Variants in C7orf78 observed in about 807,000 individuals in gnomAD.
C7orf78 encodes the protein putative uncharacterized protein C7orf78.
the C7orf78 span, among the ~76,000 whole-genome samples, chr7:12,536,850 G>A: frequency 6.6e-6 from 1 of 152,150 alleles, no homozygotes; most frequent in Non-Finnish European, 1.5e-5. Flanking sequence ...CATGACAACA[G>A]TCACCTTTAC....
the C7orf78 span, among the ~76,000 whole-genome samples, chr7:12,508,762 A>T: frequency 2.6e-5 from 4 of 152,290 alleles, no homozygotes; most frequent in East Asian, 7.7e-4. Flanking sequence ...TTACCATCTG[A>T]GCTCTGCTTC....
the C7orf78 span, among the ~76,000 whole-genome samples, chr7:12,493,289 G>C: frequency 6.6e-6 from 1 of 152,212 alleles, no homozygotes; most frequent in African/African-American, 2.4e-5. Flanking sequence ...TATTAAAGTA[G>C]ATTAAAAGTT....
chr7:12,505,654 A>C, the C7orf78 span, among the ~76,000 whole-genome samples: 1 of 152,190 alleles, frequency 6.6e-6, no homozygotes, highest in South Asian at 2.1e-4. Context: ...AACATTTACT[A>C]TTAAATCTTT....
At chr7:12,517,416 GTCTAAATC>G in the C7orf78 span, among the ~76,000 whole-genome samples, 1 of 152,100 alleles carries the variant, frequency 6.6e-6, no homozygotes, top group African/African-American at 2.4e-5. Context: ...TTAATATGAT[GTCTAAATC>G]TCTTGCTAGA....
the C7orf78 span, among the ~76,000 whole-genome samples, chr7:12,524,781 T>G: frequency 1.5e-4 from 22 of 148,812 alleles, no homozygotes; most frequent in Non-Finnish European, 1.5e-5. Context: ...AGGTGAAAGT[T>G]GCAGTGAGCC....
the C7orf78 span, among the ~76,000 whole-genome samples, chr7:12,517,930 T>C: frequency 3.9e-5 from 6 of 152,194 alleles, no homozygotes; most frequent in Non-Finnish European, 5.9e-5. Flanking sequence ...ATTTTATTCC[T>C]TTGGGGGTGT....
chr7:12,504,944 T>C, the C7orf78 span, among the ~76,000 whole-genome samples: 8,379 of 152,136 alleles, frequency 0.055, 299 homozygotes, highest in Middle Eastern at 0.085. Flanking sequence ...CCAAATTTAA[T>C]GTTATAAAAT....
chr7:12,500,565 A>C, the C7orf78 span, among the ~76,000 whole-genome samples: 23 of 150,562 alleles, frequency 1.5e-4, no homozygotes, highest in Middle Eastern at 3.4e-3. Flanking sequence ...CAATAACAGG[A>C]TCTGAAATTG....
the C7orf78 span, among the ~76,000 whole-genome samples, chr7:12,526,232 A>G: frequency 4.8e-4 from 73 of 152,206 alleles, no homozygotes; most frequent in African/African-American, 1.7e-3. Flanking sequence ...TAAACTGTCT[A>G]TCTATTGGTT....
the C7orf78 span, among the ~76,000 whole-genome samples, chr7:12,489,764 T>C: frequency 6.6e-6 from 1 of 152,130 alleles, no homozygotes; most frequent in Non-Finnish European, 1.5e-5. Flanking sequence ...AAAACTAGAA[T>C]TTTAGAAGAG....
chr7:12,525,297 C>T, the C7orf78 span, among the ~76,000 whole-genome samples: 22 of 152,016 alleles, frequency 1.4e-4, no homozygotes, highest in East Asian at 3.9e-3. Context: ...TCAATTAAAC[C>T]ACTAAAAAAT....
At chr7:12,498,660 G>A in the C7orf78 span, among the ~76,000 whole-genome samples, 1 of 152,110 alleles carries the variant, frequency 6.6e-6, no homozygotes, top group African/African-American at 2.4e-5. Context: ...AAAACACTCT[G>A]CAGGATATTA....
At chr7:12,508,830 G>A in the C7orf78 span, among the ~76,000 whole-genome samples, 2 of 152,172 alleles carry the variant, frequency 1.3e-5, no homozygotes, top group Non-Finnish European at 1.5e-5. Context: ...ATTGTGAACT[G>A]CACATGTGCT....
At chr7:12,520,890 A>G in the C7orf78 span, among the ~76,000 whole-genome samples, 24 of 152,108 alleles carry the variant, frequency 1.6e-4, no homozygotes, top group Non-Finnish European at 3.2e-4. Flanking sequence ...TTTGTTTTAT[A>G]TATTTGGGTG....
the C7orf78 span, chr7:12,538,191 G>C: frequency 6.6e-6 from 1 of 151,980 alleles, no homozygotes; most frequent in South Asian, 2.1e-4. Flanking sequence ...GAGATTCTTT[G>C]CAATTGTTTT....
At chr7:12,503,367 T>C in the C7orf78 span, among the ~76,000 whole-genome samples, 2 of 151,942 alleles carry the variant, frequency 1.3e-5, no homozygotes, top group African/African-American at 4.8e-5. Flanking sequence ...GATGTCATAA[T>C]GGTGCTTATG....
At chr7:12,516,961 G>A in the C7orf78 span, among the ~76,000 whole-genome samples, 1 of 152,124 alleles carries the variant, frequency 6.6e-6, no homozygotes. Context: ...AGACTTTTGG[G>A]TTTAATGCTG....
the C7orf78 span, among the ~76,000 whole-genome samples, chr7:12,497,617 A>T: frequency 2.0e-5 from 3 of 152,172 alleles, no homozygotes; most frequent in Non-Finnish European, 4.4e-5. Flanking sequence ...CTAGCACAGC[A>T]GTCTGAGATC....
the C7orf78 span, among the ~76,000 whole-genome samples, chr7:12,511,531 C>A: frequency 1.3e-5 from 2 of 152,066 alleles, no homozygotes; most frequent in Non-Finnish European, 2.9e-5. Flanking sequence ...CCATTTGTGT[C>A]ATCTACAATT....
Sources: allele counts gnomAD v4.1 joint callset (sites outside exome capture counted in the v4.1 genomes callset), GRCh38; gene constraint gnomAD v4.1.1; transcripts MANE v1.5; gene names NCBI Gene and HGNC (gene_info 2026-07-23, HGNC 2026-07-21).